The following UBTD2 variants were observed in gnomAD, a reference collection of about 807,000 sequenced individuals.
UBTD2 encodes ubiquitin domain-containing protein 2.
In UBTD2, 9 loss-of-function variants were observed where a neutral mutation model predicts 19.8. That is an observed-to-expected ratio of 0.46 (90% confidence interval 0.27 to 0.79). The LOEUF is 0.79. Ranked by LOEUF, UBTD2 falls within the 30% of genes least tolerant of loss-of-function variation. UBTD2 has a pLI of 0.14. For synonymous variants in UBTD2, 98 were observed against 103.9 expected (o/e 0.94, Z 0.35); for missense variants, 250 against 300.4 (o/e 0.83, Z 1.24).
intron 1 of UBTD2, among the ~76,000 whole-genome samples, chr5:172,259,430 C>T (rs1329650405): frequency 2.0e-5 from 3 of 151,978 alleles, no homozygotes; most frequent in Non-Finnish European, 2.9e-5. Flanking sequence ...AGTGAGCCAT[C>T]GCGCCCAGCC....
chr5:172,262,120 T>G (rs985041421), intron 1 of UBTD2, among the ~76,000 whole-genome samples: 8 of 152,126 alleles, frequency 5.3e-5, no homozygotes, highest in African/African-American at 1.9e-4. Context: ...AATATTAACA[T>G]CAGTCTTCAT....
At chr5:172,254,965 G>A in intron 1 of UBTD2, 1 of 555,720 alleles carries the variant, frequency 1.8e-6, no homozygotes, top group Non-Finnish European at 3.5e-6. Context: ...GGTGACTCAT[G>A]TACATAAAGG....
At chr5:172,255,793 G>A (rs997232040) in intron 1 of UBTD2, among the ~76,000 whole-genome samples, 1 of 152,044 alleles carries the variant, frequency 6.6e-6, no homozygotes, top group Admixed American at 6.6e-5. Context: ...TAACTTTTAA[G>A]ATAGATGGCA....
intron 1 of UBTD2, among the ~76,000 whole-genome samples, chr5:172,264,625 C>A (rs1435186596): frequency 6.6e-6 from 1 of 150,942 alleles, no homozygotes; most frequent in Non-Finnish European, 1.5e-5. Flanking sequence ...TGCCTGTAAT[C>A]CACTTTGGGA....
intron 1 of UBTD2, among the ~76,000 whole-genome samples, chr5:172,263,284 T>C (rs979128965): frequency 6.6e-6 from 1 of 152,182 alleles, no homozygotes; most frequent in African/African-American, 2.4e-5. Flanking sequence ...TTGAGATAGT[T>C]ACATACAAGT....
chr5:172,219,803 A>G (rs1161140441), intron 2 of UBTD2, among the ~76,000 whole-genome samples: 1 of 152,216 alleles, frequency 6.6e-6, no homozygotes, highest in Non-Finnish European at 1.5e-5. Flanking sequence ...GTGCGTGACA[A>G]GCGATTAGTT....
chr5:172,245,126 G>A (rs1456120020), intron 1 of UBTD2, among the ~76,000 whole-genome samples: 1 of 152,132 alleles, frequency 6.6e-6, no homozygotes, highest in African/African-American at 2.4e-5. Context: ...CAAGAAGAAG[G>A]GTACTGTGGA....
intron 1 of UBTD2, chr5:172,255,157 G>A (rs752714569): frequency 2.1e-6 from 1 of 465,342 alleles, no homozygotes; most frequent in East Asian, 5.2e-5. Context: ...GCTCAACCCA[G>A]GCGAGGCTCT....
intron 1 of UBTD2, among the ~76,000 whole-genome samples, chr5:172,248,636 C>T (rs1754930820): frequency 6.6e-6 from 1 of 151,292 alleles, no homozygotes; most frequent in African/African-American, 2.4e-5. Context: ...ATAACGCTTG[C>T]CTGTAATCCC....
intron 2 of UBTD2, 116 bp downstream of exon 2, chr5:172,234,006 T>TAA: frequency 2.0e-5 from 18 of 909,122 alleles, no homozygotes; most frequent in Non-Finnish European, 2.3e-5. Flanking sequence ...CTTGCTACAT[T>TAA]AAAAAAAAAA....
intron 1 of UBTD2, among the ~76,000 whole-genome samples, chr5:172,245,291 A>T (rs1400974640): frequency 3.3e-5 from 5 of 152,234 alleles, no homozygotes; most frequent in Non-Finnish European, 7.3e-5. Flanking sequence ...GGCAGATAAA[A>T]GATCTCCTTG....
chr5:172,223,507 G>A (rs529205795), intron 2 of UBTD2, among the ~76,000 whole-genome samples: 79 of 142,668 alleles, frequency 5.5e-4, no homozygotes, highest in Non-Finnish European at 9.6e-4. Context: ...GCTGATGGAG[G>A]AGAATTGCTT....
chr5:172,254,553 T>C, intron 1 of UBTD2: 1 of 614,940 alleles, frequency 1.6e-6, no homozygotes, highest in Non-Finnish European at 2.9e-6. Flanking sequence ...TTTGTAGGGT[T>C]TTTCTGTGTG....
At chr5:172,233,981 A>C in intron 2 of UBTD2, 141 bp downstream of exon 2, 1 of 779,242 alleles carries the variant, frequency 1.3e-6, no homozygotes. Flanking sequence ...CAAGAAAAAA[A>C]GAGGAATGCT....
chr5:172,237,156 G>A (rs1172855087), intron 1 of UBTD2, among the ~76,000 whole-genome samples: 2 of 152,210 alleles, frequency 1.3e-5, no homozygotes, highest in East Asian at 3.9e-4. Flanking sequence ...GTGCACTGGT[G>A]CAACCCGACT....
chr5:172,265,218 C>A (rs1755352074), intron 1 of UBTD2, among the ~76,000 whole-genome samples: 1 of 152,238 alleles, frequency 6.6e-6, no homozygotes, highest in Non-Finnish European at 1.5e-5. Flanking sequence ...AAATAAGAAT[C>A]TGAGTTAATT....
intron 2 of UBTD2, among the ~76,000 whole-genome samples, chr5:172,218,391 C>T (rs1322004158): frequency 6.6e-6 from 1 of 151,702 alleles, no homozygotes; most frequent in Admixed American, 6.6e-5. Context: ...TAAGCTTCCA[C>T]GTTGGGAAAC....
At chr5:172,243,308 C>A (rs2113036748) in intron 1 of UBTD2, among the ~76,000 whole-genome samples, 1 of 152,204 alleles carries the variant, frequency 6.6e-6, no homozygotes, top group South Asian at 2.1e-4. Context: ...AGACTGACTG[C>A]ATGTGTGTCC....
At chr5:172,255,875 G>A (rs1056157818) in intron 1 of UBTD2, among the ~76,000 whole-genome samples, 1 of 152,180 alleles carries the variant, frequency 6.6e-6, no homozygotes, top group Non-Finnish European at 1.5e-5. Context: ...GATCACCTGA[G>A]GTCAGGAGTT....
Sources: gnomAD v4.1 joint callset for allele counts (sites outside exome capture counted in the v4.1 genomes callset) on GRCh38, gnomAD v4.1.1 for gene constraint, MANE v1.5 for transcripts, NCBI Gene and HGNC (gene_info 2026-07-23, HGNC 2026-07-21) for gene names.